MYO3A: variants seen among roughly 807,000 people sequenced by gnomAD.
The protein encoded by MYO3A is myosin IIIA, also known as myosin-IIIa.
A neutral mutation model predicts 192.7 loss-of-function variants in MYO3A; 180 were observed. That is an observed-to-expected ratio of 0.93 (90% CI 0.83 to 1.06). MYO3A has a LOEUF of 1.06. Among genes scored for constraint, MYO3A ranks in the 50% least tolerant of loss-of-function variants. The probability of loss-of-function intolerance (pLI) is 0.00; values close to 1 mark genes in which losing one functional copy is unlikely to be tolerated. For synonymous variants in MYO3A, 628 were observed against 645.3 expected (o/e 0.97, Z 0.41); for missense variants, 1,896 against 1,905.0 (o/e 1.00, Z 0.09).
chr10:26,060,943 T>A (rs1834430805), intron 10 of MYO3A, among the ~76,000 whole-genome samples: 3 of 152,242 alleles, frequency 2.0e-5, no homozygotes, highest in South Asian at 4.1e-4. Flanking sequence ...TTTTATTTTT[T>A]TTTGAGACGG....
intron 6 of MYO3A, among the ~76,000 whole-genome samples, chr10:26,014,819 A>G (rs1329055429): frequency 1.3e-5 from 2 of 152,176 alleles, no homozygotes; most frequent in Non-Finnish European, 2.9e-5. Context: ...GACAAAAACT[A>G]TGCTTTTCTC....
intron 4 of MYO3A, among the ~76,000 whole-genome samples, chr10:25,991,676 G>A (rs1176271554): frequency 1.3e-5 from 2 of 152,146 alleles, no homozygotes; most frequent in South Asian, 2.1e-4. Flanking sequence ...AATCCATCTT[G>A]AATTAAGTTT....
chr10:26,166,267 T>G (rs1486483649), intron 27 of MYO3A, 89 bp downstream of exon 27: 2 of 1,114,854 alleles, frequency 1.8e-6, no homozygotes, highest in East Asian at 2.4e-5. Context: ...GAAAGTATGG[T>G]TTTTTTATGT....
At position 26,174,251 on chromosome 10, in the gene MYO3A, G is replaced by A. The variant is rs1366074754; in HGVS notation, c.3987G>A (p.Glu1329=). 1 of 1,614,130 alleles carries A rather than the reference G, an allele frequency of 6.2e-7. No homozygotes were observed. The highest frequency in any genetic ancestry group is 8.5e-7 in the Non-Finnish European group (1 of 1,180,014). ...AAGGCAGAGGCCGTCTGAGGCATGA[G>A]ACAGTCAAAGAGAGGCAAGTTGAAC... ...QEEGRGRLRH[E]TVKERQVEPV... is the part of the protein sequence containing the mutation. Residue 1329 remains glutamate, a synonymous_variant, in exon 30 of 35, where the codon GAG becomes GAA. Coordinates refer to ENST00000642920, the MANE Select transcript of MYO3A (RefSeq NM_017433.5).
intron 6 of MYO3A, among the ~76,000 whole-genome samples, chr10:25,999,325 G>A (rs1303629598): frequency 6.6e-6 from 1 of 152,166 alleles, no homozygotes; most frequent in Non-Finnish European, 1.5e-5. Flanking sequence ...CTTATGAAAT[G>A]CATTCCTAGT....
intron 2 of MYO3A, among the ~76,000 whole-genome samples, chr10:25,948,870 T>C (rs758830744): frequency 2.6e-5 from 4 of 152,176 alleles, no homozygotes; most frequent in Non-Finnish European, 5.9e-5. Flanking sequence ...GTATTCTGTT[T>C]CCAAAATGCC....
chr10:26,105,309 C>T (rs1837728198), intron 17 of MYO3A, among the ~76,000 whole-genome samples: 1 of 152,124 alleles, frequency 6.6e-6, no homozygotes, highest in Admixed American at 6.5e-5. Context: ...AGTTCTGTAG[C>T]ACTTCACATT....
chr10:25,977,723 A>G (rs918444614), intron 4 of MYO3A, among the ~76,000 whole-genome samples: 1 of 152,164 alleles, frequency 6.6e-6, no homozygotes, highest in African/African-American at 2.4e-5. Context: ...TTAGGTTTAC[A>G]TTGACTAACT....
Position 26,021,485 on chromosome 10 carries a change from G to C in MYO3A, c.586-18G>C. The stretch of plus-strand genomic sequence containing the variant: ...AAAGTCACAAATTTCACCTTTTGAT[G>C]GTGTGGTTTTCTACTAGGTGATTGC... On this transcript the variant is annotated intron_variant, in intron 7 of 34. Transcript: ENST00000642920. 2.5e-6 allele frequency: 4 copies of C among 1,613,184 alleles called. No homozygotes were observed. In the South Asian group the frequency reaches 4.4e-5, roughly 18 times the overall value.
At chr10:26,103,579 C>G (rs1442181248) in intron 17 of MYO3A, among the ~76,000 whole-genome samples, 2 of 151,970 alleles carry the variant, frequency 1.3e-5, no homozygotes, top group Admixed American at 1.3e-4. Context: ...TGTTATTTGC[C>G]CATTCATTAG....
chr10:26,151,023 A>G (rs1407815033), intron 23 of MYO3A, among the ~76,000 whole-genome samples: 2 of 152,186 alleles, frequency 1.3e-5, no homozygotes, highest in East Asian at 3.8e-4. Context: ...TTAACTTCAT[A>G]GTGTTCAGAG....
At chr10:26,133,372 C>T (rs17739453) in intron 20 of MYO3A, among the ~76,000 whole-genome samples, 14,786 of 152,164 alleles carry the variant, frequency 0.097, 790 homozygotes, top group Non-Finnish European at 0.12. Context: ...GGAGGTGTTT[C>T]GGGACCCTTG....
Position 26,199,451 on chromosome 10 carries a change from G to GCTAAGGTGGGAGGATCA in MYO3A, c.4546-1794_4546-1778dup, listed in dbSNP as rs1386850498. On this transcript the variant is annotated intron_variant, in intron 32 of 34. Transcript: ENST00000642920. ...GACTATAGTCCCAGCTACAAGGATG[G>GCTAAGGTGGGAGGATCA]CTAAGGTGGGAGGATCACTAAGGTG... 6.4e-3 allele frequency among the ~76,000 whole-genome samples: 980 copies of GCTAAGGTGGGAGGATCA among 152,174 alleles called. 13 individuals are homozygous for GCTAAGGTGGGAGGATCA. Among genetic ancestry groups the GCTAAGGTGGGAGGATCA allele is most frequent in the African/African-American group, 0.021 (892 of 41,508 alleles).
chr10:26,196,986 A>G (rs1843440590), intron 32 of MYO3A, among the ~76,000 whole-genome samples: 2 of 152,230 alleles, frequency 1.3e-5, no homozygotes, highest in Non-Finnish European at 2.9e-5. Flanking sequence ...ACAATAGAGT[A>G]CTGTGAACTT....
intron 26 of MYO3A, among the ~76,000 whole-genome samples, chr10:26,163,101 AAG>A (rs1841560394): frequency 6.6e-6 from 1 of 152,212 alleles, no homozygotes; most frequent in African/African-American, 2.4e-5. Flanking sequence ...GAAAATAGCA[AAG>A]AGGAGGCTGG....
intron 18 of MYO3A, among the ~76,000 whole-genome samples, chr10:26,121,012 T>G (rs1032992717): frequency 6.6e-6 from 1 of 152,154 alleles, no homozygotes; most frequent in Non-Finnish European, 1.5e-5. Flanking sequence ...TAGAACACAT[T>G]TCTGAAGACT....
intron 11 of MYO3A, among the ~76,000 whole-genome samples, chr10:26,067,545 C>T (rs1337703204): frequency 6.6e-6 from 1 of 152,188 alleles, no homozygotes; most frequent in Non-Finnish European, 1.5e-5. Context: ...TGGGATACCT[C>T]AACAGCCTGT....
chr10:26,170,417 T>G lies in MYO3A; in HGVS notation c.3276T>G (p.Ala1092=), dbSNP rs1564617260. Residue 1092 remains alanine (A), a splice_region_variant and synonymous_variant, in exon 29 of 35, where the codon GCT becomes GCG. Transcript: ENST00000642920. The stretch of plus-strand genomic sequence containing the variant: ...TACTATGGGCTTTCTGTGTTTCAGC[T>G]GCAAGAGGACACCTTGTCAGGAAAC... ...RKESAIIIQS[A]ARGHLVRKQR... 1.9e-6 allele frequency: 3 copies of G among 1,613,336 alleles called. No individual in the cohort carries two copies. Among genetic ancestry groups the G allele is most frequent in the Non-Finnish European group, 8.5e-7 (1 of 1,179,538 alleles).
intron 4 of MYO3A, among the ~76,000 whole-genome samples, chr10:25,989,223 A>G (rs1338050225): frequency 1.3e-5 from 2 of 150,308 alleles, no homozygotes; most frequent in African/African-American, 4.9e-5. Flanking sequence ...TGGATTACAG[A>G]TGTGAGCCAC....
Sources: allele counts gnomAD v4.1 joint callset (sites outside exome capture counted in the v4.1 genomes callset), GRCh38; gene constraint gnomAD v4.1.1; transcripts MANE v1.5; gene names NCBI Gene and HGNC (gene_info 2026-07-23, HGNC 2026-07-21).